Variants in ZNF462 observed in about 807,000 individuals in gnomAD.
ZNF462 encodes zinc finger PBX1-interacting protein.
ZNF462 carries 10 observed loss-of-function variants against 201.9 expected under a neutral mutation model. That is an observed-to-expected ratio of 0.05 (90% CI 0.03 to 0.08). ZNF462 has a LOEUF of 0.08. ZNF462 is among the 10% of genes least tolerant of loss of function. The pLI, the probability that ZNF462 is intolerant of heterozygous loss-of-function variation, is 1.00. For synonymous variants in ZNF462, 1,227 were observed against 1,193.3 expected (o/e 1.03, Z -0.58); for missense variants, 2,523 against 3,168.3 (o/e 0.80, Z 4.89).
In ZNF462 at chr9:106,923,367, G is replaced by A. The variant is rs779397343; in HGVS notation, c.-17G>A. ...CTTCTGCCACAGGTTCCTAATGTGAGAGGCTAGACCCAGATCATGGAGGTG... is the reference window on the plus strand; with the variant it reads ...CTTCTGCCACAGGTTCCTAATGTGAAAGGCTAGACCCAGATCATGGAGGTG... On this transcript the variant is annotated 5_prime_UTR_variant, in exon 2 of 13. Coordinates refer to ENST00000277225, the MANE Select transcript of ZNF462 (RefSeq NM_021224.6). The surrounding 1 kb of genome is among the most constrained non-coding windows in gnomAD (Gnocchi z 5.6). 3 of 1,613,382 alleles carry A rather than the reference G, an allele frequency of 1.9e-6. No homozygotes were observed. The African/African-American group carries it at 4.0e-5, about 22-fold the overall frequency.
intron 7 of ZNF462, among the ~76,000 whole-genome samples, chr9:106,943,968 AT>A (rs1294272782): frequency 1.4e-4 from 21 of 152,340 alleles, no homozygotes; most frequent in African/African-American, 5.0e-4. Flanking sequence ...AGATAAAAAA[AT>A]CTTCCTTGAC....
intron 1 of ZNF462, 99 bp downstream of exon 1, chr9:106,863,454 C>T: frequency 2.9e-6 from 1 of 350,536 alleles, no homozygotes; most frequent in Non-Finnish European, 5.1e-6. Context: ...TTCATTCGGC[C>T]AAGGAGGGTT....
intron 10 of ZNF462, among the ~76,000 whole-genome samples, chr9:106,997,464 G>A (rs1273948598): frequency 6.6e-6 from 1 of 152,092 alleles, no homozygotes; most frequent in East Asian, 1.9e-4. Flanking sequence ...TTAAAAAGTG[G>A]TACATAAACA....
At chr9:106,982,688 G>GGA (rs1827534034) in intron 9 of ZNF462, among the ~76,000 whole-genome samples, 1 of 152,164 alleles carries the variant, frequency 6.6e-6, no homozygotes, top group South Asian at 2.1e-4. Context: ...AGCTCCAGGG[G>GGA]GTATGTTGCA....
Position 106,935,493 on chromosome 9 carries a change from C to A in ZNF462, c.6117-10C>A, listed in dbSNP as rs1316093550. On this transcript the variant is annotated splice_polypyrimidine_tract_variant and intron_variant, in intron 5 of 12. Transcript: ENST00000277225. The surrounding 1 kb of genome is among the most constrained non-coding windows in gnomAD (Gnocchi z 4.1). Reference sequence around the variant, plus strand: ...TGTCATTTTTCTTTTTGTTTTCCTTCTACATCAAGTTTGGATCGCCATATG... The same window carrying A: ...TGTCATTTTTCTTTTTGTTTTCCTTATACATCAAGTTTGGATCGCCATATG... 6 of 1,610,636 alleles carry A rather than the reference C, an allele frequency of 3.7e-6. No homozygotes were observed. In the Admixed American group the frequency reaches 1.0e-4, roughly 27 times the overall value.
chr9:107,001,837 T>C (rs1296658077), intron 10 of ZNF462, among the ~76,000 whole-genome samples: 4 of 152,116 alleles, frequency 2.6e-5, no homozygotes, highest in Non-Finnish European at 5.9e-5. Flanking sequence ...CCATGTTGAG[T>C]TGTTTTCAAA....
At chr9:106,884,247 C>T (rs945157658) in intron 1 of ZNF462, among the ~76,000 whole-genome samples, 3 of 152,022 alleles carry the variant, frequency 2.0e-5, no homozygotes, top group Non-Finnish European at 2.9e-5. Flanking sequence ...AGCCACTGGT[C>T]TTGGTATCAT....
chr9:106,908,931 ATATATATATATTTTTTTTTTTTTTTTTTT>A (rs1564090807), intron 1 of ZNF462, among the ~76,000 whole-genome samples: 3 of 33,242 alleles, frequency 9.0e-5, no homozygotes, highest in African/African-American at 1.8e-4. Context: ...ATATATATAT[ATATATATATATTTTTTTTTTTTTTTTTTT>A]TTTTTTTTTT....
rs1831318613 is a variant in ZNF462 at position 106,950,978 on chromosome 9, C to G, written c.6427+11871C>G. On this transcript the variant is annotated intron_variant, in intron 7 of 12. Transcript: ENST00000277225. The surrounding 1 kb of genome is among the most constrained non-coding windows in gnomAD (Gnocchi z 4.1). ...GGTGGCGAGCGCCTGTAATTCCAGCCACTCCGGAGGCTGAGGTGGGAGAAT... is the reference window on the plus strand; with the variant it reads ...GGTGGCGAGCGCCTGTAATTCCAGCGACTCCGGAGGCTGAGGTGGGAGAAT... 1.3e-5 allele frequency among the ~76,000 whole-genome samples: 2 copies of G among 151,708 alleles called. No homozygotes were observed. The highest frequency in any genetic ancestry group is 3.9e-4 in the East Asian group (2 of 5,154).
In ZNF462 at chr9:106,929,594, T is replaced by C; in HGVS notation, c.5682T>C (p.Cys1894=). The change falls in exon 3 of 13, where the codon TGT becomes TGC. Residue 1894 remains cysteine (C), a synonymous_variant. Transcript: ENST00000277225. This position sits in a 1 kb window ranked among gnomAD's most constrained non-coding sequence, Gnocchi z 8.7. ...GPRLQNSTYQ[C]KHCDSKLQST... Reference sequence around the variant, plus strand: ...GCTTGCAGAACTCCACCTACCAGTGTAAGCACTGTGATAGCAAACTGCAAA... The same window carrying C: ...GCTTGCAGAACTCCACCTACCAGTGCAAGCACTGTGATAGCAAACTGCAAA... 1 of 1,614,164 alleles carries C rather than the reference T, an allele frequency of 6.2e-7. No homozygotes were observed. Among genetic ancestry groups the C allele is most frequent in the Non-Finnish European group, 8.5e-7 (1 of 1,180,026 alleles).
chr9:106,896,586 T>G (rs989679063), intron 1 of ZNF462, among the ~76,000 whole-genome samples: 1 of 152,188 alleles, frequency 6.6e-6, no homozygotes, highest in African/African-American at 2.4e-5. Context: ...AAGATGTTTA[T>G]TTGTGTTTGG....
chr9:106,939,981 C>T (rs1014029567), intron 7 of ZNF462, among the ~76,000 whole-genome samples: 1 of 152,104 alleles, frequency 6.6e-6, no homozygotes, highest in Non-Finnish European at 1.5e-5. Context: ...AGTTAGCTAC[C>T]ATCAGCTTGA....
In ZNF462 at chr9:106,931,346, C is replaced by T. The variant is rs192326429; in HGVS notation, c.6012+657C>T. Among the ~76,000 whole-genome samples, 36 of 152,272 alleles carry T rather than the reference C, an allele frequency of 2.4e-4. No individual in the cohort carries two copies. In the East Asian group the frequency reaches 5.8e-3, roughly 24 times the overall value. ...AGCAGCCACCATGTCAGTAACCAAG[C>T]CACCATCCCCGTCTTCCAGGATATT... On this transcript the variant is annotated intron_variant, in intron 4 of 12. Coordinates refer to ENST00000277225, the MANE Select transcript of ZNF462 (RefSeq NM_021224.6).
At chr9:106,893,869 C>T (rs1466235415) in intron 1 of ZNF462, among the ~76,000 whole-genome samples, 3 of 152,136 alleles carry the variant, frequency 2.0e-5, no homozygotes, top group East Asian at 1.9e-4. Context: ...GGGATGTGAA[C>T]GCAGGTCAGT....
intron 7 of ZNF462, among the ~76,000 whole-genome samples, chr9:106,959,065 A>G (rs928323010): frequency 1.3e-5 from 2 of 152,136 alleles, no homozygotes; most frequent in Non-Finnish European, 2.9e-5. Flanking sequence ...TGACCATTCC[A>G]TGTGCATTGT....
intron 1 of ZNF462, among the ~76,000 whole-genome samples, chr9:106,891,040 A>T (rs921083763): frequency 3.9e-5 from 6 of 152,238 alleles, no homozygotes; most frequent in Non-Finnish European, 8.8e-5. Context: ...TTAGTAAAAA[A>T]GTCAGAGGTG....
rs1252865612 is a variant in ZNF462, at chr9:106,993,630, T to C, written c.7056+9221T>C. ...CCTCTCCCCCTCCCCTTTACTTCCC[T>C]CTCCCTTCCTTCACTCCCTGCATTC... On this transcript the variant is annotated intron_variant, in intron 10 of 12. Coordinates refer to ENST00000277225, the MANE Select transcript of ZNF462 (RefSeq NM_021224.6). The surrounding 1 kb of genome is among the most constrained non-coding windows in gnomAD (Gnocchi z 4.0). Among the ~76,000 whole-genome samples the C allele has an allele frequency of 2.0e-5, 3 of 149,610 alleles. No homozygotes were observed. The highest frequency in any genetic ancestry group is 7.4e-5 in the African/African-American group (3 of 40,662).
Position 106,963,426 on chromosome 9 carries a change from A to C in ZNF462, c.6428-8579A>C, listed in dbSNP as rs1249574170. On this transcript the variant is annotated intron_variant, in intron 7 of 12. Coordinates refer to ENST00000277225, the MANE Select transcript of ZNF462 (RefSeq NM_021224.6). This position sits in a 1 kb window ranked among gnomAD's most constrained non-coding sequence, Gnocchi z 4.7. ...CTTAAGTACCTTTCCAGGCACTTCT[A>C]AGCAATTGAGATACATCAGCGAAAA... Among the ~76,000 whole-genome samples the C allele has an allele frequency of 6.6e-6, 1 of 152,058 alleles. No homozygotes were observed. The highest frequency in any genetic ancestry group is 1.9e-4 in the East Asian group (1 of 5,180).
In ZNF462 at chr9:106,911,682, C is replaced by T. The variant is rs1041544775; in HGVS notation, c.-30-11672C>T. On this transcript the variant is annotated intron_variant, in intron 1 of 12. Coordinates refer to ENST00000277225, the MANE Select transcript of ZNF462 (RefSeq NM_021224.6). ...AAAAGTGTTCTACATGGAGGAAAACCGTGAACAAACATAGAGATCTCAACA... is the reference window on the plus strand; with the variant it reads ...AAAAGTGTTCTACATGGAGGAAAACTGTGAACAAACATAGAGATCTCAACA... Among the ~76,000 whole-genome samples the T allele has an allele frequency of 8.5e-5, 13 of 152,218 alleles. No individual in the cohort carries two copies. The East Asian group carries it at 2.1e-3, about 25-fold the overall frequency.
Sources: gnomAD v4.1 joint callset for allele counts (sites outside exome capture counted in the v4.1 genomes callset) on GRCh38, gnomAD v4.1.1 for gene constraint, Gnocchi (gnomAD v3.1) non-coding constraint, MANE v1.5 for transcripts, NCBI Gene and HGNC (gene_info 2026-07-23, HGNC 2026-07-21) for gene names.